Variants in NFKBIE observed in about 807,000 individuals in gnomAD.
The protein encoded by NFKBIE is NFKB inhibitor epsilon, also known as NF-kappa-B inhibitor epsilon.
In NFKBIE, 11 loss-of-function variants were observed where a neutral mutation model predicts 31.6. The ratio of observed to expected loss-of-function variants is 0.35; its 90% CI spans 0.22 to 0.58. NFKBIE has a LOEUF of 0.58. NFKBIE is among the 20% of genes least tolerant of loss of function. NFKBIE has a pLI of 0.83. For missense variants in NFKBIE, 354 were observed against 465.7 expected (o/e 0.76, Z 2.21); for synonymous variants, 208 against 210.1 (o/e 0.99, Z 0.09).
Position 44,261,185 on chromosome 6 carries a change from A to G in NFKBIE, c.691+441T>C, listed in dbSNP as rs1315866087. 1.3e-5 allele frequency among the ~76,000 whole-genome samples: 2 copies of G among 151,274 alleles called. No homozygotes were observed. Among genetic ancestry groups the G allele is most frequent in the East Asian group, 3.9e-4 (2 of 5,168 alleles). On this transcript the variant is annotated intron_variant, in intron 3 of 5. Coordinates refer to ENST00000619360, the MANE Select transcript of NFKBIE (RefSeq NM_004556.3). The surrounding 1 kb of genome is among the most constrained non-coding windows in gnomAD (Gnocchi z 4.3). Reference sequence around the variant, plus strand: ...CCTACTCCCCACATTCCTTCCTCTCACTCTGCTCTGCTTTTTACTACAGCA... The same window carrying G: ...CCTACTCCCCACATTCCTTCCTCTCGCTCTGCTCTGCTTTTTACTACAGCA...
chr6:44,265,088 C>G lies in NFKBIE; in HGVS notation c.259G>C (p.Gly87Arg), dbSNP rs1343736748. Residue 87 changes from glycine to arginine, a missense_variant, in exon 1 of 6, where the codon GGC (glycine) becomes CGC (arginine). Physicochemically the swap from Gly to Arg is moderately radical, Grantham distance 125. Transcript: ENST00000619360. Reference sequence around the variant, plus strand: ...GGGGCCGGGTCCTCAGCCTCGGGGCCCCCCAGCAAGGACAGGGTGTAGGTG... The same window carrying G: ...GGGGCCGGGTCCTCAGCCTCGGGGCGCCCCAGCAAGGACAGGGTGTAGGTG... ...SLTYTLSLLG[G>R]PEAEDPAPRL... The G allele has an allele frequency of 3.2e-6, 5 of 1,559,210 alleles. No individual in the cohort carries two copies. In the South Asian group the frequency reaches 4.7e-5, roughly 15 times the overall value.
Position 44,258,819 on chromosome 6 carries a change from C to T in NFKBIE, c.*400G>A, listed in dbSNP as rs188085412. The T allele has an allele frequency of 3.7e-4, 60 of 164,132 alleles. No individual in the cohort carries two copies. The highest frequency in any genetic ancestry group is 2.4e-3 in the Admixed American group (41 of 16,828). The allele number at this position is 164,132 out of a possible 1,614,324, so 10.2% of individuals were successfully genotyped here. On this transcript the variant is annotated 3_prime_UTR_variant, in exon 6 of 6. Transcript: ENST00000619360. ...GGTCCTCAACAGCAATAAGATGGGACACCTCTCAGGGTTCTGCTTGCTCCT... is the reference window on the plus strand; with the variant it reads ...GGTCCTCAACAGCAATAAGATGGGATACCTCTCAGGGTTCTGCTTGCTCCT...
At chr6:44,259,943 A>AC in intron 5 of NFKBIE, 100 bp downstream of exon 5, 15 of 1,478,056 alleles carry the variant, frequency 1.0e-5, no homozygotes, top group Non-Finnish European at 1.4e-5. Flanking sequence ...TCCTGGTTAT[A>AC]CCCCAGGACT....
rs1190613395 is a variant in NFKBIE, at chr6:44,261,404, A to G, written c.691+222T>C. ...TATTAAACTAAGTATCTTAAGGGCA[A>G]GATTTAGTTTTCTTCTCAGCAGGCA... On this transcript the variant is annotated intron_variant, in intron 3 of 5. Coordinates refer to ENST00000619360, the MANE Select transcript of NFKBIE (RefSeq NM_004556.3). This position sits in a 1 kb window ranked among gnomAD's most constrained non-coding sequence, Gnocchi z 4.3. 6.6e-6 allele frequency among the ~76,000 whole-genome samples: 1 copy of G among 152,250 alleles called. No homozygotes were observed. The highest frequency in any genetic ancestry group is 1.9e-4 in the East Asian group (1 of 5,202).
chr6:44,263,530 C>T lies in NFKBIE; in HGVS notation c.366-868G>A, dbSNP rs1345234365. 2.0e-5 allele frequency among the ~76,000 whole-genome samples: 3 copies of T among 152,072 alleles called. No homozygotes were observed. Among genetic ancestry groups the T allele is most frequent in the Admixed American group, 2.0e-4 (3 of 15,264 alleles). ...GCTGCTTGGGCAGGAGGGTGGCAGGCTTTAGCAGCAGGCAGCAGGAGAGGC... is the reference window on the plus strand; with the variant it reads ...GCTGCTTGGGCAGGAGGGTGGCAGGTTTTAGCAGCAGGCAGCAGGAGAGGC... On this transcript the variant is annotated intron_variant, in intron 1 of 5. Coordinates refer to ENST00000619360, the MANE Select transcript of NFKBIE (RefSeq NM_004556.3). The surrounding 1 kb of genome is among the most constrained non-coding windows in gnomAD (Gnocchi z 5.0).
At position 44,261,565 on chromosome 6, in the gene NFKBIE, C is replaced by T; in HGVS notation, c.691+61G>A. ...CCTCCCTTCCCCAAGAGTGAGGTCC[C>T]TATCTCCTATGCCCTCCTCATCCCA... On this transcript the variant is annotated intron_variant, in intron 3 of 5. Coordinates refer to ENST00000619360, the MANE Select transcript of NFKBIE (RefSeq NM_004556.3). This position sits in a 1 kb window ranked among gnomAD's most constrained non-coding sequence, Gnocchi z 4.3. 1 of 1,560,072 alleles carries T rather than the reference C, an allele frequency of 6.4e-7. No individual in the cohort carries two copies. Among genetic ancestry groups the T allele is most frequent in the East Asian group, 2.3e-5 (1 of 43,900 alleles).
rs1198828396 is a variant in NFKBIE, at chr6:44,263,083, G to A, written c.366-421C>T. 6.6e-6 allele frequency among the ~76,000 whole-genome samples: 1 copy of A among 152,238 alleles called. No individual in the cohort carries two copies. Among genetic ancestry groups the A allele is most frequent in the African/African-American group, 2.4e-5 (1 of 41,442 alleles). ...GCACACAGGAAAGAAGGAGACAGTTGCAGGGTCACCCCGTACCCCCAAGCA... is the reference window on the plus strand; with the variant it reads ...GCACACAGGAAAGAAGGAGACAGTTACAGGGTCACCCCGTACCCCCAAGCA... On this transcript the variant is annotated intron_variant, in intron 1 of 5. Transcript: ENST00000619360. This position sits in a 1 kb window ranked among gnomAD's most constrained non-coding sequence, Gnocchi z 5.0.
chr6:44,261,862 T>G lies in NFKBIE; in HGVS notation c.469-14A>C. On this transcript the variant is annotated splice_polypyrimidine_tract_variant and intron_variant, in intron 2 of 5. Coordinates refer to ENST00000619360, the MANE Select transcript of NFKBIE (RefSeq NM_004556.3). The surrounding 1 kb of genome is among the most constrained non-coding windows in gnomAD (Gnocchi z 4.3). ...ATGGAGTGCTGTCTGGAGGCACAAA[T>G]AGAGGGTCATGGGGCCACTGCAGCA... The G allele has an allele frequency of 6.3e-7, 1 of 1,599,930 alleles. No individual in the cohort carries two copies. The highest frequency in any genetic ancestry group is 1.7e-5 in the Admixed American group (1 of 59,546).
Position 44,263,212 on chromosome 6 carries a change from G to A in NFKBIE, c.366-550C>T, listed in dbSNP as rs139315077. On this transcript the variant is annotated intron_variant, in intron 1 of 5. Transcript: ENST00000619360. This position sits in a 1 kb window ranked among gnomAD's most constrained non-coding sequence, Gnocchi z 5.0. ...TGCTGCCCTTCCCTGGGAGTCAAGA[G>A]GCACCTCTCAGATAGCACAGACCAG... 2.0e-5 allele frequency among the ~76,000 whole-genome samples: 3 copies of A among 152,342 alleles called. No individual in the cohort carries two copies. The East Asian group carries it at 5.8e-4, about 29-fold the overall frequency.
chr6:44,262,024 C>T (rs1781941077), intron 2 of NFKBIE, among the ~76,000 whole-genome samples, 176 bp from the exon 3 acceptor site: 1 of 152,176 alleles, frequency 6.6e-6, no homozygotes, highest in African/African-American at 2.4e-5. Flanking sequence ...CACCCCTCCC[C>T]CACCAAGCTC....
In NFKBIE at chr6:44,261,811, C is replaced by G. The variant is rs1265548070; in HGVS notation, c.506G>C (p.Gly169Ala). 1.9e-6 allele frequency: 3 copies of G among 1,612,330 alleles called. No homozygotes were observed. The highest frequency in any genetic ancestry group is 2.2e-5 in the East Asian group (1 of 44,886). ...CTTCAGCACCAGTGCCCGAACTGCGCCCGGTTGGTCCAGATGTACAGCCAG... is the reference window on the plus strand; with the variant it reads ...CTTCAGCACCAGTGCCCGAACTGCGGCCGGTTGGTCCAGATGTACAGCCAG... ...LHLAVHLDQP[G>A]AVRALVLKGA... The change falls in exon 3 of 6, where the codon GGC becomes GCC. Residue 169 changes from glycine (G) to alanine (A), a missense_variant. Physicochemically the swap from Gly to Ala is moderately conservative, Grantham distance 60. Around this residue, in one of 2 missense-constraint regions of NFKBIE, gnomAD observed 183 missense variants for 310.6 expected, o/e 0.59. Coordinates refer to ENST00000619360, the MANE Select transcript of NFKBIE (RefSeq NM_004556.3). The surrounding 1 kb of genome is among the most constrained non-coding windows in gnomAD (Gnocchi z 4.3).
At position 44,260,866 on chromosome 6, in the gene NFKBIE, C is replaced by CACACAG. The variant is rs1554142193; in HGVS notation, c.692-328_692-327insCTGTGT. On this transcript the variant is annotated intron_variant, in intron 3 of 5. Coordinates refer to ENST00000619360, the MANE Select transcript of NFKBIE (RefSeq NM_004556.3). This position sits in a 1 kb window ranked among gnomAD's most constrained non-coding sequence, Gnocchi z 5.5. ...ACACACACACACACATACAGACACACACACACACACACACACACACACACA... is the reference window on the plus strand; with the variant it reads ...ACACACACACACACATACAGACACACACACAGACACACACACACACACACACACACA... Among the ~76,000 whole-genome samples, 152 of 142,952 alleles carry CACACAG rather than the reference C, an allele frequency of 1.1e-3. 1 individual carries two copies. The highest frequency in any genetic ancestry group is 3.9e-3 in the South Asian group (17 of 4,382). The allele number at this position is 142,952 out of a possible 152,430, so 93.8% of individuals were successfully genotyped here. A position where few individuals can be genotyped will look rare whatever the true frequency, so the allele number is the denominator to read the frequency against.
rs1781768000 is a variant in NFKBIE, at chr6:44,258,608, G to A, written c.*611C>T. On this transcript the variant is annotated 3_prime_UTR_variant, in exon 6 of 6. Transcript: ENST00000619360. ...TCCTTCTCTCTGCCTCTACCACAAAGTCACAGGGCAGGCCTGTCTAAAAAG... is the reference window on the plus strand; with the variant it reads ...TCCTTCTCTCTGCCTCTACCACAAAATCACAGGGCAGGCCTGTCTAAAAAG... 1 of 152,554 alleles carries A rather than the reference G, an allele frequency of 6.6e-6. No homozygotes were observed. The highest frequency in any genetic ancestry group is 1.5e-5 in the Non-Finnish European group (1 of 68,306). The allele number at this position is 152,554 out of a possible 1,614,324, so 9.5% of individuals were successfully genotyped here. A position where few individuals can be genotyped will look rare whatever the true frequency, so the allele number is the denominator to read the frequency against.
chr6:44,262,472 G>A (rs1781957474), intron 2 of NFKBIE, 88 bp downstream of exon 2: 1 of 1,142,858 alleles, frequency 8.7e-7, no homozygotes, highest in Non-Finnish European at 1.3e-6. Flanking sequence ...GGTTTCCTAA[G>A]TGAGCAGCCT....
chr6:44,259,188 G>A lies in NFKBIE; in HGVS notation c.*31C>T. On this transcript the variant is annotated 3_prime_UTR_variant, in exon 6 of 6. Transcript: ENST00000619360. ...GCTCCGGCTTCCAGATGGAGAGGTG[G>A]AGCCCTGAGGATCCCAGACCCTGCC... is the stretch of plus-strand genomic sequence containing the variant. 6.2e-7 allele frequency: 1 copy of A among 1,612,040 alleles called. No individual in the cohort carries two copies. The highest frequency in any genetic ancestry group is 8.5e-7 in the Non-Finnish European group (1 of 1,178,522).
At position 44,260,397 on chromosome 6, in the gene NFKBIE, T is replaced by C; in HGVS notation, c.780+54A>G. The C allele has an allele frequency of 6.2e-7, 1 of 1,613,568 alleles. No individual in the cohort carries two copies. Among genetic ancestry groups the C allele is most frequent in the South Asian group, 1.1e-5 (1 of 91,054 alleles). On this transcript the variant is annotated intron_variant, in intron 4 of 5. Transcript: ENST00000619360. The surrounding 1 kb of genome is among the most constrained non-coding windows in gnomAD (Gnocchi z 5.5). ...GACTGCTGGGCAGGGGACTTGGGGATGTGTCAGGTGGGGGCAGGCCCTGGG... is the reference window on the plus strand; with the variant it reads ...GACTGCTGGGCAGGGGACTTGGGGACGTGTCAGGTGGGGGCAGGCCCTGGG...
Position 44,263,487 on chromosome 6 carries a change from G to A in NFKBIE, c.366-825C>T, listed in dbSNP as rs548716599. ...GGGGGGTAGATTGGCTAAAAGGCCC[G>A]TCTGGGCTGGGGAGGGGGCTGCTTG... On this transcript the variant is annotated intron_variant, in intron 1 of 5. Transcript: ENST00000619360. The surrounding 1 kb of genome is among the most constrained non-coding windows in gnomAD (Gnocchi z 5.0). Among the ~76,000 whole-genome samples the A allele has an allele frequency of 4.3e-4, 65 of 152,066 alleles. No homozygotes were observed. Among genetic ancestry groups the A allele is most frequent in the Non-Finnish European group, 8.5e-4 (58 of 67,990 alleles).
chr6:44,260,687 A>G lies in NFKBIE; in HGVS notation c.692-148T>C. ...AAGACTGTTAAAATGCAAACCCCAAAACCCCCTCAAAAGTCTAAGGGGAAA... is the reference window on the plus strand; with the variant it reads ...AAGACTGTTAAAATGCAAACCCCAAGACCCCCTCAAAAGTCTAAGGGGAAA... On this transcript the variant is annotated intron_variant, in intron 3 of 5. Coordinates refer to ENST00000619360, the MANE Select transcript of NFKBIE (RefSeq NM_004556.3). This position sits in a 1 kb window ranked among gnomAD's most constrained non-coding sequence, Gnocchi z 5.5. 1 of 749,210 alleles carries G rather than the reference A, an allele frequency of 1.3e-6. No individual in the cohort carries two copies. The highest frequency in any genetic ancestry group is 1.6e-5 in the South Asian group (1 of 62,230). The allele number at this position is 749,210 out of a possible 1,614,324, so 46.4% of individuals were successfully genotyped here. A position where few individuals can be genotyped will look rare whatever the true frequency, so the allele number is the denominator to read the frequency against.
chr6:44,259,036 G>A lies in NFKBIE; in HGVS notation c.*183C>T, dbSNP rs375005264. On this transcript the variant is annotated 3_prime_UTR_variant, in exon 6 of 6. Transcript: ENST00000619360. Reference sequence around the variant, plus strand: ...CTGGAAAGCTCTTCCTTCCAGACTGGCTCTCTTCCACTTGCAGTCCCTCCT... The same window carrying A: ...CTGGAAAGCTCTTCCTTCCAGACTGACTCTCTTCCACTTGCAGTCCCTCCT... 1.1e-5 allele frequency: 6 copies of A among 536,016 alleles called. No homozygotes were observed. 33.2% of individuals were successfully genotyped at this position (536,016 alleles called of 1,614,324 possible).
Sources: allele counts gnomAD v4.1 joint callset (sites outside exome capture counted in the v4.1 genomes callset), GRCh38; gene constraint gnomAD v4.1.1; regional missense constraint gnomAD v4.1.1; non-coding constraint Gnocchi (gnomAD v3.1); transcripts MANE v1.5; gene names NCBI Gene and HGNC (gene_info 2026-07-23, HGNC 2026-07-21).